Variants in CD2AP observed in about 807,000 individuals in gnomAD.
CD2AP encodes the protein CD2-associated protein.
Under a neutral mutation model 85.1 loss-of-function variants are expected in CD2AP, and 46 were observed. That is an observed-to-expected ratio of 0.54 (90% CI 0.43 to 0.69). CD2AP has a LOEUF of 0.69. Among genes scored for constraint, CD2AP ranks in the 30% least tolerant of loss-of-function variants. The pLI, the probability that CD2AP is intolerant of heterozygous loss-of-function variation, is 0.00. For synonymous variants in CD2AP, 255 were observed against 252.9 expected (o/e 1.01, Z -0.08); for missense variants, 769 against 729.5 (o/e 1.05, Z -0.62).
intron 13 of CD2AP, among the ~76,000 whole-genome samples, chr6:47,600,050 T>G (rs1280668401): frequency 2.0e-5 from 3 of 151,944 alleles, no homozygotes; most frequent in African/African-American, 7.2e-5. Context: ...TTTTCATTAT[T>G]AAAGGCATTG....
Position 47,574,160 on chromosome 6 carries a change from G to A in CD2AP, c.638G>A (p.Gly213Glu), listed in dbSNP as rs770123305. 1 of 1,614,016 alleles carries A rather than the reference G, an allele frequency of 6.2e-7. No individual in the cohort carries two copies. The highest frequency in any genetic ancestry group is 8.5e-7 in the Non-Finnish European group (1 of 1,179,942). The change falls in exon 6 of 18, where the codon GGA (glycine) becomes GAA (glutamate). Residue 213 changes from glycine to glutamate, a missense_variant. Transcript: ENST00000359314. ...GTTACACAGCCAAAGAAAATTCGAG[G>A]AATTGGATTTGGAGACATTTTTAAA... is the stretch of plus-strand genomic sequence containing the variant. ...GSVTQPKKIR[G>E]IGFGDIFKEG... is the part of the protein sequence containing the mutation.
chr6:47,492,885 A>G (rs938349640), intron 1 of CD2AP, among the ~76,000 whole-genome samples: 14 of 151,914 alleles, frequency 9.2e-5, no homozygotes, highest in South Asian at 2.1e-4. Flanking sequence ...TTAACATTCA[A>G]TTATACTTAA....
intron 12 of CD2AP, among the ~76,000 whole-genome samples, chr6:47,596,747 T>C (rs1271487235): frequency 3.3e-5 from 5 of 152,100 alleles, no homozygotes; most frequent in Non-Finnish European, 5.9e-5. Context: ...CTTTGACATA[T>C]TGATTTTATT....
chr6:47,616,961 T>C (rs764972261), intron 17 of CD2AP, among the ~76,000 whole-genome samples: 2 of 152,084 alleles, frequency 1.3e-5, no homozygotes, highest in Non-Finnish European at 2.9e-5. Flanking sequence ...TTCCTTCTTT[T>C]TTTACTTTTT....
chr6:47,608,768 T>G (rs1769342854), intron 15 of CD2AP, among the ~76,000 whole-genome samples: 1 of 152,182 alleles, frequency 6.6e-6, no homozygotes, highest in Non-Finnish European at 1.5e-5. Context: ...CTTTGGACAT[T>G]CCAAACAATA....
chr6:47,541,626 G>T (rs953145016), intron 3 of CD2AP, among the ~76,000 whole-genome samples: 1 of 152,126 alleles, frequency 6.6e-6, no homozygotes. Context: ...TTCTTTTGTT[G>T]TTTTGGGGGT....
chr6:47,595,888 C>A lies in CD2AP; in HGVS notation c.1136C>A (p.Pro379His). ...GAAAAATCAACACTGGAACAGAAAC[C>A]TTCTAAACCAGCAGCTCCACAAGTC... The part of the protein sequence containing the change: ...KDEKSTLEQK[P>H]SKPAAPQVPP... Residue 379 changes from proline to histidine, a missense_variant, in exon 12 of 18, where the codon CCT becomes CAT. Pro to His is a moderately conservative substitution (Grantham distance 77). Transcript: ENST00000359314. 1 of 1,612,480 alleles carries A rather than the reference C, an allele frequency of 6.2e-7. No homozygotes were observed. Among genetic ancestry groups the A allele is most frequent in the South Asian group, 1.1e-5 (1 of 90,994 alleles).
At chr6:47,560,727 A>G (rs1233651117) in intron 5 of CD2AP, among the ~76,000 whole-genome samples, 2 of 152,228 alleles carry the variant, frequency 1.3e-5, no homozygotes, top group South Asian at 2.1e-4. Context: ...AAATTTAGTT[A>G]CAGCTGTGCT....
intron 5 of CD2AP, among the ~76,000 whole-genome samples, chr6:47,563,568 C>A (rs1331394930): frequency 6.6e-6 from 1 of 152,238 alleles, no homozygotes; most frequent in Non-Finnish European, 1.5e-5. Context: ...AATTTTCTTA[C>A]AAGGAGGGGC....
At chr6:47,510,870 C>T (rs1368974792) in intron 2 of CD2AP, among the ~76,000 whole-genome samples, 8 of 151,658 alleles carry the variant, frequency 5.3e-5, no homozygotes, top group African/African-American at 1.9e-4. Flanking sequence ...GTCAAGAGAT[C>T]GAGACCATCC....
chr6:47,595,784 C>T lies in CD2AP; in HGVS notation c.1109-77C>T, dbSNP rs1357412137. The T allele has an allele frequency of 2.4e-6, 3 of 1,253,426 alleles. No individual in the cohort carries two copies. The African/African-American group carries it at 4.5e-5, about 19-fold the overall frequency. The allele number at this position is 1,253,426 out of a possible 1,614,324, so 77.6% of individuals were successfully genotyped here. A position where few individuals can be genotyped will look rare whatever the true frequency, so the allele number is the denominator to read the frequency against. ...TCTGCCTCTGTCACACTTTTCCAGC[C>T]TGATACAAACTTTTGGAAATAGAAA... is the stretch of plus-strand genomic sequence containing the variant. On this transcript the variant is annotated intron_variant, in intron 11 of 17. Transcript: ENST00000359314.
At chr6:47,520,064 T>C (rs1221539651) in intron 2 of CD2AP, among the ~76,000 whole-genome samples, 1 of 152,110 alleles carries the variant, frequency 6.6e-6, no homozygotes, top group Non-Finnish European at 1.5e-5. Context: ...TAAAGTGTTG[T>C]GTTTAGAAAA....
chr6:47,605,316 A>G (rs1035246461), intron 13 of CD2AP, among the ~76,000 whole-genome samples: 7 of 151,952 alleles, frequency 4.6e-5, no homozygotes, highest in Admixed American at 3.9e-4. Flanking sequence ...TCATATATAG[A>G]TATCTGGGCT....
intron 2 of CD2AP, among the ~76,000 whole-genome samples, chr6:47,508,783 G>A (rs1187753171): frequency 6.6e-6 from 1 of 152,132 alleles, no homozygotes; most frequent in Non-Finnish European, 1.5e-5. Context: ...GACCTCAGGT[G>A]ATCTTCTTGC....
chr6:47,609,504 C>G (rs1466582669), intron 16 of CD2AP, 200 bp downstream of exon 16: 1 of 264,934 alleles, frequency 3.8e-6, no homozygotes, highest in African/African-American at 2.7e-5. Context: ...TGACAAAACC[C>G]CATCTTTGCA....
At chr6:47,612,620 G>T (rs1057138484) in intron 17 of CD2AP, 84 bp downstream of exon 17, 2 of 888,248 alleles carry the variant, frequency 2.3e-6, no homozygotes, top group African/African-American at 1.7e-5. Flanking sequence ...ATCGGTTCCT[G>T]TACAAATTAT....
intron 16 of CD2AP, 111 bp downstream of exon 16, chr6:47,609,415 G>A (rs780434088): frequency 9.7e-5 from 84 of 868,720 alleles, no homozygotes; most frequent in African/African-American, 8.9e-4. Context: ...GGTAGTTCGC[G>A]CCTGTAATCC....
intron 1 of CD2AP, among the ~76,000 whole-genome samples, chr6:47,490,198 G>C (rs942276743): frequency 1.3e-5 from 2 of 152,112 alleles, no homozygotes; most frequent in Admixed American, 6.5e-5. Context: ...GCCCAGGCTG[G>C]TCTTAAACTC....
chr6:47,525,655 T>A (rs1350060654), intron 2 of CD2AP, among the ~76,000 whole-genome samples: 1 of 152,178 alleles, frequency 6.6e-6, no homozygotes, highest in Non-Finnish European at 1.5e-5. Context: ...GTTAATACAA[T>A]CAAAATTATG....
Sources: gnomAD v4.1 joint callset for allele counts (sites outside exome capture counted in the v4.1 genomes callset) on GRCh38, gnomAD v4.1.1 for gene constraint, MANE v1.5 for transcripts, NCBI Gene and HGNC (gene_info 2026-07-23, HGNC 2026-07-21) for gene names.